GNL3L: variants seen among roughly 807,000 people sequenced by gnomAD.
The protein encoded by GNL3L is G protein nucleolar 3 like.
A neutral mutation model predicts 42.9 loss-of-function variants in GNL3L; 4 were observed. The ratio of observed to expected loss-of-function variants is 0.09; its 90% confidence interval spans 0.05 to 0.21. The LOEUF (loss-of-function observed/expected upper bound fraction) is 0.21. Ranked by LOEUF, GNL3L falls within the 10% of genes least tolerant of loss-of-function variation. The pLI is 1.00. For synonymous variants in GNL3L, 159 were observed against 176.3 expected, an observed-to-expected ratio of 0.90 and a Z score of 0.78; for missense variants, 412 against 481.7, an observed-to-expected ratio of 0.86 and a Z score of 1.36.
intron 16 of GNL3L, among the ~76,000 whole-genome samples, chrX:54,594,781 T>G (rs2147522919): frequency 9.0e-6 from 1 of 111,249 alleles, no homozygotes; most frequent in African/African-American, 3.3e-5. Flanking sequence ...CATTGTATGT[T>G]TTTTGATTTG....
At chrX:54,644,500 C>G in the GNL3L span, among the ~76,000 whole-genome samples, 1 of 111,801 alleles carries the variant, frequency 8.9e-6, no homozygotes, top group African/African-American at 3.2e-5. Flanking sequence ...AGTCTACTGT[C>G]TCTGTACCAT....
chrX:54,636,610 G>C, the GNL3L span, among the ~76,000 whole-genome samples: 2 of 110,755 alleles, frequency 1.8e-5, no homozygotes, highest in Admixed American at 9.7e-5. Context: ...CCACTTATAA[G>C]TGAGATGTGG....
chrX:54,575,850 C>T (rs1395376479), intron 16 of GNL3L, among the ~76,000 whole-genome samples: 2 of 112,197 alleles, frequency 1.8e-5, no homozygotes, highest in South Asian at 3.7e-4. Context: ...TCGGAGGTTG[C>T]GGTGAGCCGA....
the GNL3L span, among the ~76,000 whole-genome samples, chrX:54,631,945 G>T: frequency 8.9e-6 from 1 of 111,895 alleles, no homozygotes; most frequent in Non-Finnish European, 1.9e-5. Flanking sequence ...CCTTATAGCA[G>T]TTCTTGCAGT....
At chrX:54,536,116 C>T (rs1425184291) in intron 2 of GNL3L, among the ~76,000 whole-genome samples, 8 of 110,578 alleles carry the variant, frequency 7.2e-5, no homozygotes, top group East Asian at 5.7e-4. Flanking sequence ...TTAGTAGAGA[C>T]GGGGTTTCAC....
At chrX:54,592,659 T>C (rs1370377836) in intron 16 of GNL3L, among the ~76,000 whole-genome samples, 1 of 110,115 alleles carries the variant, frequency 9.1e-6, no homozygotes, top group Non-Finnish European at 1.9e-5. Context: ...CTACAAAAAG[T>C]ACAAAAATTA....
chrX:54,583,562 A>C (rs1408828128), intron 16 of GNL3L, among the ~76,000 whole-genome samples: 1 of 111,019 alleles, frequency 9.0e-6, no homozygotes, highest in Non-Finnish European at 1.9e-5. Context: ...CTAGATTCTG[A>C]ACATTTTGCC....
downstream of GNL3L, among the ~76,000 whole-genome samples, chrX:54,567,550 G>A (rs1350203235): frequency 9.2e-6 from 1 of 108,635 alleles, no homozygotes; most frequent in Non-Finnish European, 1.9e-5. Flanking sequence ...GGAGGCTGAG[G>A]CAGGAGAATC....
the GNL3L span, among the ~76,000 whole-genome samples, chrX:54,644,646 C>A: frequency 6.2e-5 from 7 of 112,110 alleles, no homozygotes; most frequent in Admixed American, 3.8e-4. Flanking sequence ...ACCAGTGCCA[C>A]CCCATTGTAA....
chrX:54,560,391 G>A, intron 15 of GNL3L, 129 bp from the exon 16 acceptor site: 1 of 471,416 alleles, frequency 2.1e-6, no homozygotes, highest in Non-Finnish European at 3.7e-6. Flanking sequence ...CAGTTTTGTG[G>A]TAGCGTTTGG....
chrX:54,624,013 C>T (rs1480446652), downstream of GNL3L, among the ~76,000 whole-genome samples: 1 of 110,314 alleles, frequency 9.1e-6, no homozygotes, highest in East Asian at 2.9e-4. Flanking sequence ...CTCGACTTCT[C>T]GGGCTCAAGT....
At chrX:54,607,877 G>A (rs969894561) in intron 16 of GNL3L, among the ~76,000 whole-genome samples, 3 of 111,491 alleles carry the variant, frequency 2.7e-5, no homozygotes, top group Non-Finnish European at 3.8e-5. Flanking sequence ...GAAGTAGAAT[G>A]AATAAATAAA....
intron 14 of GNL3L, among the ~76,000 whole-genome samples, chrX:54,556,369 C>A (rs1327322345): frequency 9.0e-6 from 1 of 110,855 alleles, no homozygotes; most frequent in Non-Finnish European, 1.9e-5. Context: ...AACCCACTAT[C>A]ATGATAAGAG....
Position 54,544,338 on chromosome X carries a change from G to A in GNL3L, c.630+12G>A. The A allele has an allele frequency of 7.1e-6, 7 of 988,496 alleles. No individual in the cohort carries two copies. Among genetic ancestry groups the A allele is most frequent in the Non-Finnish European group, 1.0e-5 (7 of 695,956 alleles). 81.5% of individuals were successfully genotyped at this position (988,496 alleles called of 1,213,427 possible). A position where few individuals can be genotyped will look rare whatever the true frequency, so the allele number is the denominator to read the frequency against. ...AGGTCAAAAACCTGGTAAGCCTGGG[G>A]CTAGGGTCATCTAGCCGCTTTCAGG... On this transcript the variant is annotated intron_variant, in intron 8 of 15. Transcript: ENST00000360845.
chrX:54,614,058 G>A (rs1020302789), intron 16 of GNL3L, among the ~76,000 whole-genome samples: 1 of 110,496 alleles, frequency 9.1e-6, no homozygotes, highest in Non-Finnish European at 1.9e-5. Context: ...AGTGGGGCTA[G>A]GTGTGTCTGA....
chrX:54,622,331 C>A (rs769496802), downstream of GNL3L, among the ~76,000 whole-genome samples: 1 of 84,101 alleles, frequency 1.2e-5, no homozygotes, highest in East Asian at 3.8e-4. Context: ...GTCGCCCAGG[C>A]TGGAGGGCAC....
chrX:54,566,299 C>A lies in GNL3L; in HGVS notation c.*5697C>A, dbSNP rs922369422. On this transcript the variant is annotated 3_prime_UTR_variant, in exon 16 of 16. Transcript: ENST00000360845. ...CTCGAATTGTAGTTCCCATAATCCC[C>A]ACACATATGTACCACATTTTCTTTA... 8.9e-6 allele frequency among the ~76,000 whole-genome samples: 1 copy of A among 112,023 alleles called. No homozygotes were observed. The highest frequency in any genetic ancestry group is 1.9e-5 in the Non-Finnish European group (1 of 53,265).
Position 54,563,455 on chromosome X carries a change from A to G in GNL3L, c.*2853A>G, listed in dbSNP as rs1477795078. On this transcript the variant is annotated 3_prime_UTR_variant, in exon 16 of 16. Transcript: ENST00000360845. Reference sequence around the variant, plus strand: ...AGCATGGGAGCATAATTTGGCCAAAATCAAACAGAACTAAAGTAGTCATGT... The same window carrying G: ...AGCATGGGAGCATAATTTGGCCAAAGTCAAACAGAACTAAAGTAGTCATGT... 9.0e-6 allele frequency among the ~76,000 whole-genome samples: 1 copy of G among 111,526 alleles called. No individual in the cohort carries two copies. Among genetic ancestry groups the G allele is most frequent in the Non-Finnish European group, 1.9e-5 (1 of 53,175 alleles).
chrX:54,639,956 G>C, the GNL3L span, among the ~76,000 whole-genome samples: 1 of 106,539 alleles, frequency 9.4e-6, no homozygotes, highest in Non-Finnish European at 1.9e-5. Flanking sequence ...CTCGGAGAAC[G>C]AGGCTGGGGC....
Sources: gnomAD v4.1 joint callset for allele counts (sites outside exome capture counted in the v4.1 genomes callset) on GRCh38, gnomAD v4.1.1 for gene constraint, MANE v1.5 for transcripts, NCBI Gene and HGNC (gene_info 2026-07-23, HGNC 2026-07-21) for gene names.